Variants in PDE10A observed in about 807,000 individuals in gnomAD.
PDE10A encodes phosphodiesterase 10A, also known as cAMP and cAMP-inhibited cGMP 3',5'-cyclic phosphodiesterase 10A.
PDE10A carries 39 observed loss-of-function variants against 97.7 expected under a neutral mutation model. The ratio of observed to expected loss-of-function variants is 0.40; its 90% CI spans 0.31 to 0.52. The LOEUF is 0.52. PDE10A is among the 20% of genes least tolerant of loss of function. The pLI is 0.56. For synonymous variants in PDE10A, 371 were observed against 376.8 expected (o/e 0.98, Z 0.18); for missense variants, 731 against 1,047.8 (o/e 0.70, Z 4.17).
intron 1 of PDE10A, among the ~76,000 whole-genome samples, chr6:165,617,369 G>A (rs12209263): frequency 0.098 from 14,899 of 152,208 alleles, 925 homozygotes; most frequent in Non-Finnish European, 0.13. Context: ...AATTGAGTTG[G>A]AGTCTCACTC....
intron 1 of PDE10A, among the ~76,000 whole-genome samples, chr6:165,844,177 G>C (rs1554331351): frequency 6.6e-6 from 1 of 152,178 alleles, no homozygotes; most frequent in African/African-American, 2.4e-5. Flanking sequence ...AAGCCCATTT[G>C]TCCCTGGGGC....
intron 1 of PDE10A, among the ~76,000 whole-genome samples, chr6:165,846,976 A>G (rs55805234): frequency 0.062 from 9,384 of 152,266 alleles, 353 homozygotes; most frequent in South Asian, 0.12. Context: ...ACCGCGGCAG[A>G]AATCTCTGGC....
intron 1 of PDE10A, among the ~76,000 whole-genome samples, chr6:165,627,626 A>G: frequency 6.6e-6 from 1 of 152,194 alleles, no homozygotes; most frequent in East Asian, 1.9e-4. Context: ...TGGGAGTGTC[A>G]CCTCCAGCTG....
Position 165,332,399 on chromosome 6 carries a change from T to C in PDE10A, c.*626A>G, listed in dbSNP as rs1781388873. The C allele has an allele frequency of 6.6e-6, 1 of 152,238 alleles. No homozygotes were observed. Among genetic ancestry groups the C allele is most frequent in the Non-Finnish European group, 1.5e-5 (1 of 68,034 alleles). The allele number at this position is 152,238 out of a possible 1,614,324, so 9.4% of individuals were successfully genotyped here. On this transcript the variant is annotated 3_prime_UTR_variant, in exon 22 of 22. Coordinates refer to ENST00000539869, the MANE Select transcript of PDE10A (RefSeq NM_001385079.1). ...TTGATCTCAGCCCTTTAGGTTGAACTTAAAGAATTATGTTTAGTCTAACTA... is the reference window on the plus strand; with the variant it reads ...TTGATCTCAGCCCTTTAGGTTGAACCTAAAGAATTATGTTTAGTCTAACTA...
At chr6:165,590,748 G>A (rs186334754) in intron 1 of PDE10A, among the ~76,000 whole-genome samples, 5 of 152,172 alleles carry the variant, frequency 3.3e-5, no homozygotes, top group Non-Finnish European at 5.9e-5. Flanking sequence ...AAAATAAGCC[G>A]GGCATGGTGG....
chr6:165,527,375 A>C (rs1191339232), intron 2 of PDE10A, among the ~76,000 whole-genome samples: 1 of 152,208 alleles, frequency 6.6e-6, no homozygotes, highest in Non-Finnish European at 1.5e-5. Flanking sequence ...CACTTGGACT[A>C]TATGACCCAG....
At chr6:165,637,688 C>T (rs58885758) in intron 1 of PDE10A, among the ~76,000 whole-genome samples, 14,158 of 152,144 alleles carry the variant, frequency 0.093, 824 homozygotes, top group African/African-American at 0.17. Flanking sequence ...ATCCAAGGAT[C>T]GGAAAAAGAA....
intron 1 of PDE10A, among the ~76,000 whole-genome samples, chr6:165,717,608 C>A (rs60677838): frequency 6.6e-6 from 1 of 151,702 alleles, no homozygotes; most frequent in African/African-American, 2.4e-5. Flanking sequence ...GTATAAATGT[C>A]ATTTTGAAAT....
intron 18 of PDE10A, among the ~76,000 whole-genome samples, chr6:165,349,916 C>A (rs769237147): frequency 6.6e-6 from 1 of 152,188 alleles, no homozygotes; most frequent in Non-Finnish European, 1.5e-5. Flanking sequence ...GAAACCTCCA[C>A]CTAGATTTCA....
chr6:165,610,765 T>A (rs1165549110), intron 1 of PDE10A, among the ~76,000 whole-genome samples: 1 of 152,180 alleles, frequency 6.6e-6, no homozygotes, highest in Non-Finnish European at 1.5e-5. Flanking sequence ...CTTTTCTGTA[T>A]AAGTTCCACC....
intron 1 of PDE10A, among the ~76,000 whole-genome samples, chr6:165,776,505 A>G (rs1778188216): frequency 6.6e-6 from 1 of 152,226 alleles, no homozygotes; most frequent in African/African-American, 2.4e-5. Flanking sequence ...CAGAGCTGGG[A>G]GCTGTTTTTG....
At chr6:165,936,493 G>T (rs1783335045) in intron 1 of PDE10A, among the ~76,000 whole-genome samples, 1 of 152,156 alleles carries the variant, frequency 6.6e-6, no homozygotes, top group African/African-American at 2.4e-5. Context: ...TGGTCACGAG[G>T]GTCAAATGCT....
At position 165,605,239 on chromosome 6, in the gene PDE10A, G is replaced by C. The variant is rs188766537; in HGVS notation, c.865+56708C>G. Among the ~76,000 whole-genome samples, 425 of 151,958 alleles carry C rather than the reference G, an allele frequency of 2.8e-3. 2 individuals carry two copies. Among genetic ancestry groups the C allele is most frequent in the Non-Finnish European group, 4.9e-3 (331 of 67,996 alleles). On this transcript the variant is annotated intron_variant, in intron 1 of 21. Coordinates refer to ENST00000539869, the MANE Select transcript of PDE10A (RefSeq NM_001385079.1). ...CCTTGACATTGCTTCCGTGTTTCCA[G>C]AACCCATATTAAAAAACAAAACAAA...
chr6:165,759,812 C>T (rs1437484917), intron 1 of PDE10A, among the ~76,000 whole-genome samples: 1 of 152,188 alleles, frequency 6.6e-6, no homozygotes, highest in African/African-American at 2.4e-5. Context: ...ATTTGGGCTC[C>T]TGGCCTACAT....
chr6:165,638,818 T>G (rs1027114875), intron 1 of PDE10A, among the ~76,000 whole-genome samples: 1 of 152,166 alleles, frequency 6.6e-6, no homozygotes, highest in African/African-American at 2.4e-5. Flanking sequence ...GAAAGTTAAC[T>G]ACTATACTAA....
intron 1 of PDE10A, among the ~76,000 whole-genome samples, chr6:165,865,646 A>G (rs1263631888): frequency 6.6e-6 from 1 of 152,128 alleles, no homozygotes; most frequent in African/African-American, 2.4e-5. Flanking sequence ...AAAAGAAATA[A>G]TAAATACAAT....
chr6:165,973,544 A>G, intron 1 of PDE10A, among the ~76,000 whole-genome samples: 1 of 149,884 alleles, frequency 6.7e-6, no homozygotes, highest in Non-Finnish European at 1.5e-5. Flanking sequence ...AATGTATTAC[A>G]TTAACAAAAG....
chr6:165,467,476 T>C (rs1778725215), intron 3 of PDE10A, among the ~76,000 whole-genome samples: 1 of 152,178 alleles, frequency 6.6e-6, no homozygotes, highest in African/African-American at 2.4e-5. Context: ...TAAGGCTCAG[T>C]GACCACTGCA....
At chr6:165,589,707 G>A (rs1034438320) in intron 1 of PDE10A, among the ~76,000 whole-genome samples, 1 of 152,028 alleles carries the variant, frequency 6.6e-6, no homozygotes, top group African/African-American at 2.4e-5. Context: ...ACAAATGGAT[G>A]TATGAGAAAA....
Sources: allele counts gnomAD v4.1 joint callset (sites outside exome capture counted in the v4.1 genomes callset), GRCh38; gene constraint gnomAD v4.1.1; transcripts MANE v1.5; gene names NCBI Gene and HGNC (gene_info 2026-07-23, HGNC 2026-07-21).